TDRD9: variants seen among roughly 807,000 people sequenced by gnomAD.
TDRD9 encodes the protein tudor domain containing 9.
A neutral mutation model predicts 172.6 loss-of-function variants in TDRD9; 124 were observed. The ratio of observed to expected loss-of-function variants is 0.72; its 90% CI spans 0.62 to 0.83. The LOEUF (loss-of-function observed/expected upper bound fraction) is 0.83, where lower values mean the gene tolerates loss of function less well. Among genes scored for constraint, TDRD9 ranks in the 40% least tolerant of loss-of-function variants. The pLI is 0.00. For missense variants in TDRD9, 1,479 were observed against 1,714.1 expected (o/e 0.86, Z 2.42); for synonymous variants, 619 against 617.1 (o/e 1.00, Z -0.05).
intron 1 of TDRD9, among the ~76,000 whole-genome samples, chr14:103,950,681 A>G (rs944351194): frequency 1.3e-5 from 2 of 152,194 alleles, no homozygotes; most frequent in Non-Finnish European, 1.5e-5. Context: ...TGAATGAAAT[A>G]TTGTGTACCT....
intron 2 of TDRD9, among the ~76,000 whole-genome samples, chr14:103,959,814 A>C (rs1295645344): frequency 1.3e-5 from 2 of 152,212 alleles, no homozygotes; most frequent in Non-Finnish European, 2.9e-5. Flanking sequence ...ATTTGCATTG[A>C]TAAATGAAAT....
intron 1 of TDRD9, among the ~76,000 whole-genome samples, chr14:103,939,357 C>G (rs1305582178): frequency 1.3e-5 from 2 of 152,164 alleles, no homozygotes; most frequent in African/African-American, 4.8e-5. Flanking sequence ...TTTCTTAAAA[C>G]TCACGTTTGC....
At chr14:103,940,505 A>C (rs1264372552) in intron 1 of TDRD9, 1 of 241,104 alleles carries the variant, frequency 4.1e-6, no homozygotes, top group Non-Finnish European at 8.0e-6. Flanking sequence ...AGTTTTGTAC[A>C]GAATTTGTCA....
At chr14:104,039,256 G>A (rs1169790853) in intron 32 of TDRD9, among the ~76,000 whole-genome samples, 1 of 152,204 alleles carries the variant, frequency 6.6e-6, no homozygotes, top group African/African-American at 2.4e-5. Context: ...ATGATTAACT[G>A]CCTTCCAGAG....
At chr14:103,969,127 CCA>C (rs2032905317) in intron 5 of TDRD9, among the ~76,000 whole-genome samples, 1 of 150,264 alleles carries the variant, frequency 6.7e-6, no homozygotes, top group Non-Finnish European at 1.5e-5. Flanking sequence ...AAAAAACCCC[CCA>C]AAAAAAACTA....
chr14:104,025,696 T>C lies in TDRD9; in HGVS notation c.2851T>C (p.Cys951Arg). Residue 951 changes from cysteine (C) to arginine (R), a missense_variant, in exon 26 of 36, where the codon TGT (cysteine) becomes CGT (arginine). Physicochemically the swap from Cys to Arg is radical, Grantham distance 180. This residue lies in a region of TDRD9 where 1,413 missense variants were observed against 1,649.1 expected (regional missense o/e 0.86). Coordinates refer to ENST00000409874, the MANE Select transcript of TDRD9 (RefSeq NM_153046.3). ...LPTHPHPDLV[C>R]LAPFADFDKQ... is the part of the protein sequence containing the mutation. ...CACTCACCCACATCCAGACTTGGTCTGTCTGGCACCTTTTGCTGATTTTGA... is the reference window on the plus strand; with the variant it reads ...CACTCACCCACATCCAGACTTGGTCCGTCTGGCACCTTTTGCTGATTTTGA... 1.2e-6 allele frequency: 2 copies of C among 1,614,004 alleles called. No individual in the cohort carries two copies. The highest frequency in any genetic ancestry group is 2.2e-5 in the East Asian group (1 of 44,892).
rs1313778861 is a variant in TDRD9, at chr14:103,965,415, A to T, written c.503A>T (p.Tyr168Phe). The T allele has an allele frequency of 2.6e-6, 4 of 1,551,574 alleles. No homozygotes were observed. Among genetic ancestry groups the T allele is most frequent in the Non-Finnish European group, 3.5e-6 (4 of 1,147,006 alleles). ...GSGKSTQLPQ[Y>F]ILDHYVQRSA... The stretch of plus-strand genomic sequence containing the variant: ...GGTAAAAGCACTCAGCTCCCGCAGT[A>T]TATCTTGGACCACTACGTTCAGCGC... The change falls in exon 4 of 36, where the codon TAT becomes TTT. Residue 168 changes from tyrosine (Y) to phenylalanine (F), a missense_variant. Tyr to Phe is a conservative substitution (Grantham distance 22). Around this residue, in one of 3 missense-constraint regions of TDRD9, gnomAD observed 1,413 missense variants for 1,649.1 expected, o/e 0.86. Transcript: ENST00000409874.
intron 25 of TDRD9, 140 bp from the exon 26 acceptor site, chr14:104,025,424 C>T: frequency 1.5e-6 from 1 of 671,932 alleles, no homozygotes; most frequent in Non-Finnish European, 2.5e-6. Context: ...TGTTAAAAAC[C>T]TGTAAATACT....
chr14:104,021,082 T>C (rs2034939656), intron 23 of TDRD9, among the ~76,000 whole-genome samples: 1 of 152,160 alleles, frequency 6.6e-6, no homozygotes, highest in African/African-American at 2.4e-5. Flanking sequence ...CTGCAGGCTG[T>C]ATAGGCTGCT....
intron 23 of TDRD9, 129 bp from the exon 24 acceptor site, chr14:104,022,028 T>G: frequency 1.5e-6 from 1 of 680,536 alleles, no homozygotes; most frequent in East Asian, 2.8e-5. Context: ...TATTGATTAA[T>G]TATAAATTGA....
chr14:104,051,483 T>G lies in TDRD9; in HGVS notation c.4048-498T>G, dbSNP rs754528399. ...ACATATACTCAAGTAATGGAATTGC[T>G]GGATCAAATGGTAGTTCCGTTTTAA... On this transcript the variant is annotated intron_variant, in intron 35 of 35. Coordinates refer to ENST00000409874, the MANE Select transcript of TDRD9 (RefSeq NM_153046.3). Among the ~76,000 whole-genome samples, 4 of 152,260 alleles carry G rather than the reference T, an allele frequency of 2.6e-5. No individual in the cohort carries two copies. The East Asian group carries it at 7.7e-4, about 29-fold the overall frequency.
chr14:104,007,993 G>A lies in TDRD9; in HGVS notation c.2053-420G>A, dbSNP rs375397446. On this transcript the variant is annotated intron_variant, in intron 19 of 35. Coordinates refer to ENST00000409874, the MANE Select transcript of TDRD9 (RefSeq NM_153046.3). ...ATGGGGTTTCACTGTGTTAGCTAGG[G>A]TGGTCTCGATCTCCTGACCTTGTGA... Among the ~76,000 whole-genome samples, 34 of 152,132 alleles carry A rather than the reference G, an allele frequency of 2.2e-4. No homozygotes were observed. The East Asian group carries it at 5.8e-3, about 26-fold the overall frequency.
intron 33 of TDRD9, among the ~76,000 whole-genome samples, chr14:104,041,267 CTA>C (rs1396015927): frequency 6.6e-6 from 1 of 152,126 alleles, no homozygotes; most frequent in Non-Finnish European, 1.5e-5. Context: ...AAATGTAAAA[CTA>C]TTAAAGTGCT....
At chr14:104,044,156 A>AG (rs1346018069) in intron 34 of TDRD9, among the ~76,000 whole-genome samples, 1 of 152,142 alleles carries the variant, frequency 6.6e-6, no homozygotes, top group Non-Finnish European at 1.5e-5. Context: ...GCTGCCAGTC[A>AG]CTAGAGCTGA....
At chr14:103,972,954 T>C (rs540294711) in intron 6 of TDRD9, among the ~76,000 whole-genome samples, 1 of 152,380 alleles carries the variant, frequency 6.6e-6, no homozygotes, top group South Asian at 2.1e-4. Context: ...GAGACCTTTC[T>C]TGAATGTCAT....
Position 104,040,156 on chromosome 14 carries a change from A to G in TDRD9, c.3717-40A>G, listed in dbSNP as rs145808961. ...ACATGCTAAAACATATACTTTAACA[A>G]TTCTGAAATAATGGACTCTTCTGAA... On this transcript the variant is annotated intron_variant, in intron 32 of 35. Transcript: ENST00000409874. 85 of 1,380,230 alleles carry G rather than the reference A, an allele frequency of 6.2e-5. No individual in the cohort carries two copies. In the African/African-American group the frequency reaches 1.1e-3, roughly 18 times the overall value. 85.5% of individuals were successfully genotyped at this position (1,380,230 alleles called of 1,614,324 possible). A position where few individuals can be genotyped will look rare whatever the true frequency, so the allele number is the denominator to read the frequency against.
chr14:103,928,516 C>G lies in TDRD9; in HGVS notation c.7C>G (p.Arg3Gly). 1 of 1,424,188 alleles carries G rather than the reference C, an allele frequency of 7.0e-7. No homozygotes were observed. Among genetic ancestry groups the G allele is most frequent in the Non-Finnish European group, 9.3e-7 (1 of 1,078,482 alleles). The allele number at this position is 1,424,188 out of a possible 1,614,324, so 88.2% of individuals were successfully genotyped here. A position where few individuals can be genotyped will look rare whatever the true frequency, so the allele number is the denominator to read the frequency against. ...CGACGCCTGGGCCTTGAGGATGCTG[C>G]GGAAGCTCACCATCGAGCAGATCAA... Reference protein sequence around the residue: MLRKLTIEQINDW... With the variant: MLGKLTIEQINDW... The change falls in exon 1 of 36, where the codon CGG becomes GGG. Residue 3 changes from arginine to glycine, a missense_variant. By Grantham distance (125) the Arg-to-Gly change is moderately radical. Coordinates refer to ENST00000409874, the MANE Select transcript of TDRD9 (RefSeq NM_153046.3).
chr14:103,982,411 C>T (rs1327525722), intron 7 of TDRD9, among the ~76,000 whole-genome samples: 7 of 152,100 alleles, frequency 4.6e-5, no homozygotes, highest in Admixed American at 1.3e-4. Flanking sequence ...ACCTCCTTGT[C>T]GTTAGGAGAG....
At chr14:104,049,747 C>A in intron 35 of TDRD9, 67 bp downstream of exon 35, 1 of 1,394,042 alleles carries the variant, frequency 7.2e-7, no homozygotes, top group Non-Finnish European at 9.9e-7. Flanking sequence ...CCTGGGCAGA[C>A]CCAGGGTTCA....
Sources: allele counts gnomAD v4.1 joint callset (sites outside exome capture counted in the v4.1 genomes callset), GRCh38; gene constraint gnomAD v4.1.1; regional missense constraint gnomAD v4.1.1; transcripts MANE v1.5; gene names NCBI Gene and HGNC (gene_info 2026-07-23, HGNC 2026-07-21).